Variants in TET2 observed in about 807,000 individuals in gnomAD.
TET2 encodes the protein tet methylcytosine dioxygenase 2, also known as methylcytosine dioxygenase TET2.
Under a neutral mutation model 142.9 loss-of-function variants are expected in TET2, and 299 were observed. The ratio of observed to expected loss-of-function variants is 2.09; its 90% CI spans 1.90 to 2.30. TET2 has a LOEUF of 2.30. Among genes scored for constraint, TET2 ranks in the 30% most tolerant of loss-of-function variants. The probability of loss-of-function intolerance (pLI) is 0.00; values close to 1 mark genes in which losing one functional copy is unlikely to be tolerated. For synonymous variants in TET2, 819 were observed against 849.0 expected (o/e 0.96, Z 0.61); for missense variants, 2,418 against 2,378.0 (o/e 1.02, Z -0.35).
intron 1 of TET2, chr4:105,177,865 T>G (rs940571037): frequency 3.3e-5 from 5 of 152,244 alleles, no homozygotes; most frequent in Non-Finnish European, 5.9e-5. Flanking sequence ...GGTGGATCAT[T>G]TGAGGTCAGG....
chr4:105,260,890 C>CT (rs879906770), intron 7 of TET2, among the ~76,000 whole-genome samples: 3 of 151,240 alleles, frequency 2.0e-5, no homozygotes, highest in African/African-American at 4.9e-5. Flanking sequence ...CTACAGATAA[C>CT]TTTTTTTTTA....
intron 3 of TET2, chr4:105,238,728 T>C (rs1729102072): frequency 8.3e-6 from 2 of 240,742 alleles, no homozygotes; most frequent in African/African-American, 4.5e-5. Flanking sequence ...TCCATGAGGG[T>C]TGGAATCAAC....
chr4:105,253,767 G>T lies in TET2; in HGVS notation c.3804-5852G>T, dbSNP rs527825483. Among the ~76,000 whole-genome samples, 28 of 152,104 alleles carry T rather than the reference G, an allele frequency of 1.8e-4. 1 individual carries two copies. In the South Asian group the frequency reaches 5.6e-3, roughly 30 times the overall value. Reference sequence around the variant, plus strand: ...TTTATGTTAGCTCTATGGTTTTGTAGATATTCTTTATTTACATTAAATATG... The same window carrying T: ...TTTATGTTAGCTCTATGGTTTTGTATATATTCTTTATTTACATTAAATATG... On this transcript the variant is annotated intron_variant, in intron 6 of 10. Coordinates refer to ENST00000380013, the MANE Select transcript of TET2 (RefSeq NM_001127208.3).
At position 105,235,553 on chromosome 4, in the gene TET2, GC is replaced by G; in HGVS notation, c.1612del (p.Gln538LysfsTer4). ...NCQQLMRNKEQEILKGRDKEQ... is the reference protein window; with the variant it reads ...NCQQLMRNKEXEILKGRDKEQ... ...GCCAGCAGTTGATGAGAAACAAAGA[GC>G]AAGAGATTCTGAAGGGTCGAGACAA... On this transcript the variant is annotated frameshift_variant, in exon 3 of 11. Transcript: ENST00000380013. LOFTEE classifies it high-confidence loss of function. The G allele has an allele frequency of 6.2e-7, 1 of 1,614,148 alleles. No individual in the cohort carries two copies. Among genetic ancestry groups the G allele is most frequent in the Non-Finnish European group, 8.5e-7 (1 of 1,180,008 alleles).
Position 105,234,831 on chromosome 4 carries a change from G to A in TET2, c.889G>A (p.Asp297Asn), listed in dbSNP as rs749991352. ...KPAAVVSEAC[D>N]ADDADNASKL... ...AGCTGCAGTGGTGAGTGAGGCCTGT[G>A]ATGCTGATGATGCTGATAATGCCAG... Residue 297 changes from aspartate (D) to asparagine (N), a missense_variant, in exon 3 of 11, where the codon GAT becomes AAT. Asp to Asn is a conservative substitution (Grantham distance 23). Coordinates refer to ENST00000380013, the MANE Select transcript of TET2 (RefSeq NM_001127208.3). The A allele has an allele frequency of 2.5e-6, 4 of 1,613,870 alleles. No homozygotes were observed. Among genetic ancestry groups the A allele is most frequent in the African/African-American group, 1.3e-5 (1 of 74,918 alleles).
At chr4:105,154,565 T>C (rs1356261196) in intron 1 of TET2, among the ~76,000 whole-genome samples, 5 of 152,192 alleles carry the variant, frequency 3.3e-5, no homozygotes, top group Admixed American at 1.3e-4. Flanking sequence ...AAAGTTGGCA[T>C]TGTGTTTTGT....
intron 9 of TET2, among the ~76,000 whole-genome samples, chr4:105,271,821 T>C (rs1245653478): frequency 6.6e-6 from 1 of 152,196 alleles, no homozygotes; most frequent in African/African-American, 2.4e-5. Flanking sequence ...CATTTAATTA[T>C]CAAAGCAACA....
chr4:105,214,330 A>C (rs1412174735), intron 2 of TET2, among the ~76,000 whole-genome samples: 2 of 120,608 alleles, frequency 1.7e-5, no homozygotes, highest in African/African-American at 6.5e-5. Context: ...TTTTTGAGAC[A>C]AGACTTCCCT....
intron 6 of TET2, among the ~76,000 whole-genome samples, chr4:105,247,202 C>A (rs1729622415): frequency 6.6e-6 from 1 of 152,132 alleles, no homozygotes; most frequent in South Asian, 2.1e-4. Flanking sequence ...CATCCACTCC[C>A]ACTAGTGTTT....
chr4:105,160,016 AT>A (rs1723767957), intron 1 of TET2, among the ~76,000 whole-genome samples: 1 of 152,126 alleles, frequency 6.6e-6, no homozygotes, highest in South Asian at 2.1e-4. Context: ...AAAAAAAAAA[AT>A]CTTGATATTT....
Position 105,235,865 on chromosome 4 carries a change from G to T in TET2, c.1923G>T (p.Gly641=), listed in dbSNP as rs144572180. The change falls in exon 3 of 11, where the codon GGG becomes GGT. Residue 641 remains glycine, a synonymous_variant. Transcript: ENST00000380013. ...SQMYQVEMNQ[G]QSQGTVDQHL... is the part of the protein sequence containing the mutation. ...TGTACCAAGTTGAAATGAATCAAGG[G>T]CAGTCCCAAGGTACAGTGGACCAAC... 3.1e-6 allele frequency: 5 copies of T among 1,613,812 alleles called. No individual in the cohort carries two copies. The African/African-American group carries it at 5.3e-5, about 17-fold the overall frequency.
chr4:105,179,465 C>A (rs910892880), intron 1 of TET2, among the ~76,000 whole-genome samples: 8 of 152,146 alleles, frequency 5.3e-5, no homozygotes, highest in African/African-American at 1.7e-4. Flanking sequence ...TACTGCAAAG[C>A]CTACAAGGCA....
intron 3 of TET2, chr4:105,240,313 G>C: frequency 9.5e-7 from 1 of 1,052,608 alleles, no homozygotes; most frequent in Non-Finnish European, 1.2e-6. Flanking sequence ...ATAAAACGAG[G>C]TATGCCTGTA....
rs1724015452 is a variant in TET2, at chr4:105,163,870, T to A, written c.-193+16891T>A. On this transcript the variant is annotated intron_variant, in intron 1 of 10. Transcript: ENST00000380013. ...GAGAGAGAGAGTGTGTGTGTGTGTG[T>A]GTGTGTGTGTGTGTGTGTTCCAGCT... Among the ~76,000 whole-genome samples the A allele has an allele frequency of 9.2e-5, 14 of 151,556 alleles. No homozygotes were observed. In the South Asian group the frequency reaches 3.0e-3, roughly 32 times the overall value.
Position 105,190,367 on chromosome 4 carries a change from A to G in TET2, c.-185A>G. On this transcript the variant is annotated 5_prime_UTR_variant, in exon 2 of 11. Coordinates refer to ENST00000380013, the MANE Select transcript of TET2 (RefSeq NM_001127208.3). ...AAACTCTGTCTTCTCTAGGCTGGCA[A>G]ACATTCAGCAGCACACCCTCTCAAG... The G allele has an allele frequency of 1.5e-6, 1 of 673,370 alleles. No individual in the cohort carries two copies. The highest frequency in any genetic ancestry group is 2.7e-6 in the Non-Finnish European group (1 of 372,712). 41.7% of individuals were successfully genotyped at this position (673,370 alleles called of 1,614,324 possible).
At chr4:105,199,398 C>T (rs762628752) in intron 2 of TET2, among the ~76,000 whole-genome samples, 34 of 152,080 alleles carry the variant, frequency 2.2e-4, no homozygotes, top group Admixed American at 1.3e-4. Flanking sequence ...TCTCTACTAT[C>T]CTTCACTTTG....
At chr4:105,231,547 T>C (rs1728504241) in intron 2 of TET2, among the ~76,000 whole-genome samples, 1 of 152,184 alleles carries the variant, frequency 6.6e-6, no homozygotes, top group South Asian at 2.1e-4. Flanking sequence ...TCTCACAAAC[T>C]GTAACCATTT....
In TET2 at chr4:105,234,423, AAAGATTTC is replaced by A; in HGVS notation, c.483_490del (p.Lys161AsnfsTer7). ...TTCTGTAGCCCAAGAAAATGCAGTT[AAAGATTTC>A]ACCAGTTTTTCAACACATAACTGCA... is the stretch of plus-strand genomic sequence containing the variant. On this transcript the variant is annotated frameshift_variant, in exon 3 of 11. Coordinates refer to ENST00000380013, the MANE Select transcript of TET2 (RefSeq NM_001127208.3). LOFTEE classifies it high-confidence loss of function. The A allele has an allele frequency of 6.2e-7, 1 of 1,614,030 alleles. No homozygotes were observed. Among genetic ancestry groups the A allele is most frequent in the South Asian group, 1.1e-5 (1 of 91,066 alleles).
chr4:105,278,937 C>T lies in TET2; in HGVS notation c.*2418C>T, dbSNP rs1392129817. Reference sequence around the variant, plus strand: ...CAGGTATGGTGTGCAACAGATTGTACAATTACATTTTGGCCTAAATACATT... The same window carrying T: ...CAGGTATGGTGTGCAACAGATTGTATAATTACATTTTGGCCTAAATACATT... On this transcript the variant is annotated 3_prime_UTR_variant, in exon 11 of 11. Coordinates refer to ENST00000380013, the MANE Select transcript of TET2 (RefSeq NM_001127208.3). 2 of 232,694 alleles carry T rather than the reference C, an allele frequency of 8.6e-6. No homozygotes were observed. Among genetic ancestry groups the T allele is most frequent in the African/African-American group, 2.2e-5 (1 of 45,292 alleles). The allele number at this position is 232,694 out of a possible 1,614,324, so 14.4% of individuals were successfully genotyped here.
Sources: gnomAD v4.1 joint callset for allele counts (sites outside exome capture counted in the v4.1 genomes callset) on GRCh38, gnomAD v4.1.1 for gene constraint, MANE v1.5 for transcripts, NCBI Gene and HGNC (gene_info 2026-07-23, HGNC 2026-07-21) for gene names.